Variants in ANKFN1 observed in about 807,000 individuals in gnomAD.
ANKFN1 encodes ankyrin repeat and fibronectin type-III domain-containing protein 1.
ANKFN1 carries 74 observed loss-of-function variants against 108.7 expected under a neutral mutation model. That is an observed-to-expected ratio of 0.68 (90% confidence interval 0.56 to 0.83). ANKFN1 has a LOEUF of 0.83. ANKFN1 is among the 40% of genes least tolerant of loss of function. The probability of loss-of-function intolerance (pLI) is 0.00; values close to 1 mark genes in which losing one functional copy is unlikely to be tolerated. For missense variants in ANKFN1, 1,505 were observed against 1,382.3 expected (o/e 1.09, Z -1.41); for synonymous variants, 547 against 516.2 (o/e 1.06, Z -0.81).
intron 7 of ANKFN1, among the ~76,000 whole-genome samples, chr17:56,373,151 C>T (rs1365632033): frequency 1.3e-5 from 2 of 152,162 alleles, no homozygotes; most frequent in African/African-American, 4.8e-5. Context: ...GTCTGATGCC[C>T]TAGATGGCTA....
chr17:56,448,894 T>C (rs1469845349), intron 10 of ANKFN1, among the ~76,000 whole-genome samples, 185 bp from the exon 11 acceptor site: 1 of 152,348 alleles, frequency 6.6e-6, no homozygotes, highest in South Asian at 2.1e-4. Context: ...ATTACTGTTT[T>C]GCACAGAGCT....
intron 10 of ANKFN1, among the ~76,000 whole-genome samples, chr17:56,443,225 G>A (rs910522917): frequency 1.3e-5 from 2 of 152,176 alleles, no homozygotes; most frequent in Admixed American, 1.3e-4. Context: ...AGGCATGGTG[G>A]CTCATGCCTG....
chr17:56,285,487 T>C (rs2044190756), intron 3 of ANKFN1, among the ~76,000 whole-genome samples: 1 of 151,986 alleles, frequency 6.6e-6, no homozygotes, highest in African/African-American at 2.4e-5. Context: ...TGTTAAGGAG[T>C]TTCTCAAAAG....
chr17:56,066,460 A>G (rs535572143), intron 4 of ANKFN1, among the ~76,000 whole-genome samples: 4 of 152,370 alleles, frequency 2.6e-5, no homozygotes, highest in Non-Finnish European at 2.9e-5. Flanking sequence ...AGTATAAAAA[A>G]GTAGACTATC....
intron 3 of ANKFN1, among the ~76,000 whole-genome samples, chr17:56,285,699 G>T (rs1180601743): frequency 6.6e-6 from 1 of 152,118 alleles, no homozygotes; most frequent in Admixed American, 6.5e-5. Flanking sequence ...TGCCCAGATA[G>T]TCCTCTTCCT....
intron 3 of ANKFN1, among the ~76,000 whole-genome samples, chr17:56,253,296 T>C (rs1174906369): frequency 2.0e-5 from 3 of 152,328 alleles, no homozygotes; most frequent in African/African-American, 7.2e-5. Flanking sequence ...ACAACTGCTC[T>C]CACCCTAAAG....
chr17:56,241,938 G>A (rs949686541), intron 3 of ANKFN1, among the ~76,000 whole-genome samples: 1 of 149,272 alleles, frequency 6.7e-6, no homozygotes, highest in Non-Finnish European at 1.5e-5. Flanking sequence ...ACAGAGAGAG[G>A]ATTCATGCCA....
At chr17:56,434,460 A>T (rs1006831753) in intron 8 of ANKFN1, among the ~76,000 whole-genome samples, 1 of 152,002 alleles carries the variant, frequency 6.6e-6, no homozygotes, top group Non-Finnish European at 1.5e-5. Context: ...TTGTTTTTCT[A>T]GGGAAATTTA....
At chr17:56,129,086 C>A (rs1017196571) in intron 4 of ANKFN1, among the ~76,000 whole-genome samples, 1 of 152,120 alleles carries the variant, frequency 6.6e-6, no homozygotes, top group African/African-American at 2.4e-5. Context: ...CAGTGTCTTG[C>A]AGGACAAGGG....
At chr17:56,354,330 G>A (rs1440995659) in intron 6 of ANKFN1, among the ~76,000 whole-genome samples, 1 of 152,234 alleles carries the variant, frequency 6.6e-6, no homozygotes, top group Admixed American at 6.5e-5. Flanking sequence ...GATACTCCAA[G>A]TGAGGATATA....
At chr17:56,494,237 G>C (rs1390569899) in intron 19 of ANKFN1, among the ~76,000 whole-genome samples, 1 of 152,114 alleles carries the variant, frequency 6.6e-6, no homozygotes, top group Non-Finnish European at 1.5e-5. Context: ...TCTCAGAATA[G>C]AGAAAGAACT....
intron 14 of ANKFN1, among the ~76,000 whole-genome samples, chr17:56,461,234 A>G (rs2049892492): frequency 6.6e-6 from 1 of 152,206 alleles, no homozygotes; most frequent in Non-Finnish European, 1.5e-5. Context: ...ATTCACTTTT[A>G]TACCTAGTCT....
chr17:56,145,312 A>T (rs1228652755), intron 4 of ANKFN1, among the ~76,000 whole-genome samples: 1 of 152,178 alleles, frequency 6.6e-6, no homozygotes, highest in Non-Finnish European at 1.5e-5. Flanking sequence ...TTGCTAGCAG[A>T]TGTGTAAAAC....
intron 4 of ANKFN1, among the ~76,000 whole-genome samples, chr17:56,140,616 A>G (rs1244738726): frequency 1.3e-5 from 2 of 152,168 alleles, no homozygotes; most frequent in African/African-American, 4.8e-5. Flanking sequence ...CAACCTACTT[A>G]AGCTCTCTGT....
At chr17:56,280,460 C>T (rs1282034446) in intron 3 of ANKFN1, among the ~76,000 whole-genome samples, 1 of 152,144 alleles carries the variant, frequency 6.6e-6, no homozygotes, top group Non-Finnish European at 1.5e-5. Context: ...AATGACCCTG[C>T]TCTTTCCTCC....
intron 4 of ANKFN1, among the ~76,000 whole-genome samples, chr17:56,141,519 T>C (rs761367886): frequency 6.6e-6 from 1 of 152,144 alleles, no homozygotes; most frequent in Non-Finnish European, 1.5e-5. Context: ...TCAGCAAATC[T>C]TCTGAAGACC....
chr17:56,241,886 G>A (rs1317946995), intron 3 of ANKFN1, among the ~76,000 whole-genome samples: 1 of 152,070 alleles, frequency 6.6e-6, no homozygotes, highest in African/African-American at 2.4e-5. Context: ...TGGCTATTAA[G>A]TGATTAAGGG....
chr17:56,183,913 T>C (rs1168757554), intron 1 of ANKFN1, among the ~76,000 whole-genome samples: 1 of 152,212 alleles, frequency 6.6e-6, no homozygotes, highest in Non-Finnish European at 1.5e-5. Context: ...AGCCTTCAGA[T>C]GTGACTGAAT....
At chr17:56,189,072 C>G (rs1912585387) in intron 1 of ANKFN1, among the ~76,000 whole-genome samples, 1 of 151,946 alleles carries the variant, frequency 6.6e-6, no homozygotes, top group Non-Finnish European at 1.5e-5. Context: ...CACACCTCTT[C>G]CCTATACCTG....
Sources: gnomAD v4.1 joint callset for allele counts (sites outside exome capture counted in the v4.1 genomes callset) on GRCh38, gnomAD v4.1.1 for gene constraint, MANE v1.5 for transcripts, NCBI Gene and HGNC (gene_info 2026-07-23, HGNC 2026-07-21) for gene names.